The following RGSL1 variants were observed in gnomAD, a reference collection of about 807,000 sequenced individuals.
RGSL1 encodes the protein regulator of G protein signaling protein-like.
In RGSL1, 97 loss-of-function variants were observed where a neutral mutation model predicts 124.7. The observed-to-expected ratio is 0.78, with a 90% confidence interval of 0.66 to 0.92. The LOEUF (loss-of-function observed/expected upper bound fraction) is 0.92, where lower values mean the gene tolerates loss of function less well. Among genes scored for constraint, RGSL1 ranks in the 40% least tolerant of loss-of-function variants. RGSL1 has a pLI of 0.00. For missense variants in RGSL1, 1,233 were observed against 1,288.4 expected, an observed-to-expected ratio of 0.96 and a Z score of 0.66; for synonymous variants, 424 against 438.1, an observed-to-expected ratio of 0.97 and a Z score of 0.40.
intron 10 of RGSL1, among the ~76,000 whole-genome samples, chr1:182,523,494 G>T (rs577560936): frequency 3.3e-5 from 5 of 152,142 alleles, no homozygotes; most frequent in African/African-American, 1.2e-4. Context: ...CTAGTCACTG[G>T]TCTCCATTAT....
At chr1:182,489,241 T>C (rs1176089797) in intron 8 of RGSL1, 39 bp downstream of exon 8, 1 of 1,438,268 alleles carries the variant, frequency 7.0e-7, no homozygotes, top group South Asian at 1.2e-5. Flanking sequence ...CCTTTACATA[T>C]GGGCAACTGG....
intron 9 of RGSL1, among the ~76,000 whole-genome samples, chr1:182,514,469 G>C (rs144384269): frequency 6.6e-6 from 1 of 152,322 alleles, no homozygotes; most frequent in East Asian, 1.9e-4. Flanking sequence ...GCTTCTCAGT[G>C]TTCCTCAGGG....
intron 18 of RGSL1, among the ~76,000 whole-genome samples, chr1:182,552,015 G>A (rs940752612): frequency 8.5e-5 from 13 of 152,246 alleles, no homozygotes; most frequent in African/African-American, 2.6e-4. Context: ...GTTTGTGTAA[G>A]TACATTCTAT....
intron 4 of RGSL1, among the ~76,000 whole-genome samples, chr1:182,464,863 G>C (rs1451289406): frequency 2.0e-5 from 3 of 152,082 alleles, no homozygotes; most frequent in Non-Finnish European, 4.4e-5. Flanking sequence ...AGGATGAGAG[G>C]ATTGCTTGAG....
intron 1 of RGSL1, among the ~76,000 whole-genome samples, chr1:182,452,113 A>C (rs1651890695): frequency 6.6e-6 from 1 of 152,132 alleles, no homozygotes; most frequent in Non-Finnish European, 1.5e-5. Context: ...AGTAACTGGG[A>C]CTGGGAATGT....
At chr1:182,515,681 G>A (rs183971835) in intron 9 of RGSL1, among the ~76,000 whole-genome samples, 116 of 152,286 alleles carry the variant, frequency 7.6e-4, no homozygotes, top group Non-Finnish European at 1.2e-3. Flanking sequence ...GAATGGCTCC[G>A]CCGGCACGGC....
intron 21 of RGSL1, among the ~76,000 whole-genome samples, chr1:182,557,740 T>G (rs938670205): frequency 1.3e-5 from 2 of 152,196 alleles, no homozygotes; most frequent in Non-Finnish European, 2.9e-5. Flanking sequence ...TAATGATACT[T>G]ATTAGGTCTT....
At chr1:182,513,304 A>T (rs989385593) in intron 9 of RGSL1, among the ~76,000 whole-genome samples, 3 of 152,218 alleles carry the variant, frequency 2.0e-5, no homozygotes, top group Admixed American at 6.5e-5. Context: ...CTCTGGCAAA[A>T]CGAAGCCATC....
chr1:182,516,119 G>A (rs985591383), intron 9 of RGSL1, among the ~76,000 whole-genome samples: 4 of 152,278 alleles, frequency 2.6e-5, no homozygotes, highest in South Asian at 2.1e-4. Context: ...GCTTTACTCC[G>A]GTCCTATGTG....
At chr1:182,475,491 G>T (rs770638780) in intron 6 of RGSL1, among the ~76,000 whole-genome samples, 1 of 152,274 alleles carries the variant, frequency 6.6e-6, no homozygotes, top group East Asian at 1.9e-4. Flanking sequence ...GTCAGTAAGG[G>T]CAGGGCACCT....
At chr1:182,515,478 T>G (rs1040634773) in intron 9 of RGSL1, among the ~76,000 whole-genome samples, 12 of 138,986 alleles carry the variant, frequency 8.6e-5, no homozygotes, top group Non-Finnish European at 1.7e-4. Flanking sequence ...CAAGCAGGGG[T>G]TGCTCCTCCC....
At chr1:182,502,710 C>G (rs1226313246) in intron 9 of RGSL1, among the ~76,000 whole-genome samples, 1 of 152,196 alleles carries the variant, frequency 6.6e-6, no homozygotes, top group African/African-American at 2.4e-5. Flanking sequence ...AGTGTTTTCA[C>G]TGCATCCCAT....
At chr1:182,532,529 A>T in intron 13 of RGSL1, 133 bp from the exon 14 acceptor site, 3 of 753,010 alleles carry the variant, frequency 4.0e-6, no homozygotes, top group East Asian at 3.0e-5. Context: ...TTTAAATTGG[A>T]GCTAAAAATT....
At chr1:182,488,516 A>G (rs1197770283) in intron 7 of RGSL1, 169 bp downstream of exon 7, 2 of 665,730 alleles carry the variant, frequency 3.0e-6, no homozygotes, top group Non-Finnish European at 5.1e-6. Flanking sequence ...CTCTCAAGGA[A>G]AAGGACTCAG....
chr1:182,460,954 A>G (rs1353170644), intron 4 of RGSL1, among the ~76,000 whole-genome samples: 2 of 152,144 alleles, frequency 1.3e-5, no homozygotes, highest in Non-Finnish European at 2.9e-5. Context: ...GGGCAAAAAG[A>G]ATCTTGTCTT....
At chr1:182,521,356 C>T (rs1055923224) in intron 9 of RGSL1, among the ~76,000 whole-genome samples, 1 of 152,194 alleles carries the variant, frequency 6.6e-6, no homozygotes, top group Admixed American at 6.5e-5. Flanking sequence ...TAGGCATGAG[C>T]CACTGTGCCC....
intron 13 of RGSL1, 122 bp downstream of exon 13, chr1:182,531,032 G>A: frequency 8.5e-7 from 1 of 1,177,742 alleles, no homozygotes. Flanking sequence ...TACTATACTA[G>A]GAATTTAAGC....
At chr1:182,498,586 C>T (rs1656110552) in intron 9 of RGSL1, among the ~76,000 whole-genome samples, 1 of 152,166 alleles carries the variant, frequency 6.6e-6, no homozygotes, top group African/African-American at 2.4e-5. Flanking sequence ...ATTGTTTACT[C>T]AGAAGTCATT....
Position 182,530,372 on chromosome 1 carries a change from T to C in RGSL1, c.2243+11T>C, listed in dbSNP as rs1357995229. 1 of 1,538,524 alleles carries C rather than the reference T, an allele frequency of 6.5e-7. No individual in the cohort carries two copies. The highest frequency in any genetic ancestry group is 8.8e-7 in the Non-Finnish European group (1 of 1,136,364). On this transcript the variant is annotated intron_variant, in intron 12 of 21. Coordinates refer to ENST00000294854, the MANE Select transcript of RGSL1 (RefSeq NM_001137669.2). Reference sequence around the variant, plus strand: ...TATAGAAGAAAAGTGGTGAGTATACTCAATTAAGGAAAGGATTCTTCCTGG... The same window carrying C: ...TATAGAAGAAAAGTGGTGAGTATACCCAATTAAGGAAAGGATTCTTCCTGG...
Sources: gnomAD v4.1 joint callset for allele counts (sites outside exome capture counted in the v4.1 genomes callset) on GRCh38, gnomAD v4.1.1 for gene constraint, MANE v1.5 for transcripts, NCBI Gene and HGNC (gene_info 2026-07-23, HGNC 2026-07-21) for gene names.